CCSER1: variants seen among roughly 807,000 people sequenced by gnomAD.
The protein encoded by CCSER1 is coiled-coil serine rich protein 1, also known as serine-rich coiled-coil domain-containing protein 1.
A neutral mutation model predicts 82.0 loss-of-function variants in CCSER1; 41 were observed. The ratio of observed to expected loss-of-function variants is 0.50; its 90% CI spans 0.39 to 0.65. CCSER1 has a LOEUF of 0.65. Among genes scored for constraint, CCSER1 ranks in the 30% least tolerant of loss-of-function variants. The probability of loss-of-function intolerance (pLI) is 0.00; values close to 1 mark genes in which losing one functional copy is unlikely to be tolerated. For missense variants in CCSER1, 1,119 were observed against 1,064.2 expected, an observed-to-expected ratio of 1.05 and a Z score of -0.72; for synonymous variants, 414 against 383.9, an observed-to-expected ratio of 1.08 and a Z score of -0.92.
chr4:91,146,661 GTA>G (rs1729572186), intron 10 of CCSER1, among the ~76,000 whole-genome samples: 2 of 151,630 alleles, frequency 1.3e-5, no homozygotes, highest in African/African-American at 4.8e-5. Flanking sequence ...TCATTGTGGT[GTA>G]TGTTGTTTAT....
intron 10 of CCSER1, among the ~76,000 whole-genome samples, chr4:91,567,646 T>G (rs947168925): frequency 1.3e-5 from 2 of 152,154 alleles, no homozygotes; most frequent in South Asian, 4.1e-4. Context: ...CTTTGGGTTT[T>G]TTGATCTTCG....
chr4:90,993,599 A>G (rs1258210052), intron 9 of CCSER1, among the ~76,000 whole-genome samples: 1 of 152,128 alleles, frequency 6.6e-6, no homozygotes, highest in Admixed American at 6.6e-5. Flanking sequence ...TTTAATTCTC[A>G]TGGTTCTGGA....
At chr4:90,898,658 T>C (rs1363633480) in intron 8 of CCSER1, among the ~76,000 whole-genome samples, 12 of 152,126 alleles carry the variant, frequency 7.9e-5, no homozygotes, top group Middle Eastern at 6.8e-3. Flanking sequence ...TTAATTCTTC[T>C]GTATATAGCT....
chr4:91,280,502 A>T (rs183494245), intron 10 of CCSER1, among the ~76,000 whole-genome samples: 171 of 152,190 alleles, frequency 1.1e-3, no homozygotes, highest in South Asian at 1.9e-3. Flanking sequence ...AGGCCTCTGG[A>T]ATAAGTACAC....
chr4:91,204,959 A>G (rs1234301754), intron 10 of CCSER1, among the ~76,000 whole-genome samples: 1 of 151,740 alleles, frequency 6.6e-6, no homozygotes, highest in Non-Finnish European at 1.5e-5. Flanking sequence ...AAAGTTATAT[A>G]TGGATGTAAC....
intron 5 of CCSER1, among the ~76,000 whole-genome samples, chr4:90,580,879 T>C (rs1781348835): frequency 6.6e-6 from 1 of 152,240 alleles, no homozygotes; most frequent in South Asian, 2.1e-4. Flanking sequence ...AGAGTTAAGA[T>C]TTAAAACAGG....
chr4:91,169,824 G>A (rs1339654233), intron 10 of CCSER1, among the ~76,000 whole-genome samples: 1 of 151,880 alleles, frequency 6.6e-6, no homozygotes, highest in Non-Finnish European at 1.5e-5. Flanking sequence ...TGGTCCTGTG[G>A]CAGAAACTGC....
chr4:91,227,028 A>G (rs1340767476), intron 10 of CCSER1, among the ~76,000 whole-genome samples: 3 of 151,906 alleles, frequency 2.0e-5, no homozygotes, highest in African/African-American at 7.2e-5. Flanking sequence ...ACATAACTGC[A>G]CACTCAAAAG....
chr4:91,433,369 A>T (rs1754444222), intron 10 of CCSER1, among the ~76,000 whole-genome samples: 3 of 152,172 alleles, frequency 2.0e-5, no homozygotes, highest in Admixed American at 2.0e-4. Flanking sequence ...GCCTAAGCGT[A>T]CAGTGTTTAT....
chr4:90,353,552 G>A (rs554449170), intron 3 of CCSER1, among the ~76,000 whole-genome samples: 3 of 152,248 alleles, frequency 2.0e-5, no homozygotes, highest in Non-Finnish European at 4.4e-5. Flanking sequence ...AAATTGGTTT[G>A]AGATCACAGA....
At position 91,298,224 on chromosome 4, in the gene CCSER1, G is replaced by A. The variant is rs569245109; in HGVS notation, c.2217+212230G>A. 1.5e-4 allele frequency among the ~76,000 whole-genome samples: 23 copies of A among 152,144 alleles called. No homozygotes were observed. The East Asian group carries it at 4.5e-3, about 30-fold the overall frequency. ...CAAGTATTAGATACTACTTAAATTG[G>A]AAATTACAAAATTGTTGGAAGTGCT... On this transcript the variant is annotated intron_variant, in intron 10 of 10. Coordinates refer to ENST00000509176, the MANE Select transcript of CCSER1 (RefSeq NM_001145065.2).
At chr4:90,419,222 A>C (rs1756303372) in intron 4 of CCSER1, among the ~76,000 whole-genome samples, 1 of 151,984 alleles carries the variant, frequency 6.6e-6, no homozygotes, top group African/African-American at 2.4e-5. Context: ...TGTGTGTTTC[A>C]TCAGCAGATC....
intron 3 of CCSER1, among the ~76,000 whole-genome samples, chr4:90,374,871 C>A (rs1054527048): frequency 2.6e-5 from 4 of 152,122 alleles, no homozygotes; most frequent in African/African-American, 4.8e-5. Context: ...ACCAAAAAAA[C>A]CCCAATAATT....
At chr4:90,615,455 G>T (rs1185656793) in intron 5 of CCSER1, among the ~76,000 whole-genome samples, 1 of 152,124 alleles carries the variant, frequency 6.6e-6, no homozygotes, top group Non-Finnish European at 1.5e-5. Flanking sequence ...TTCATGGGAG[G>T]AGGACAAAAT....
chr4:90,264,470 A>G (rs956763214), intron 1 of CCSER1, among the ~76,000 whole-genome samples: 2 of 152,154 alleles, frequency 1.3e-5, no homozygotes, highest in African/African-American at 2.4e-5. Context: ...ATTACAGAAT[A>G]TTTTCATATT....
intron 10 of CCSER1, among the ~76,000 whole-genome samples, chr4:91,243,719 A>G (rs1581831810): frequency 6.6e-6 from 1 of 152,146 alleles, no homozygotes; most frequent in East Asian, 1.9e-4. Flanking sequence ...AGGATTCATC[A>G]TATACTGACT....
chr4:90,668,981 T>TAAGA (rs1271817855), intron 6 of CCSER1, among the ~76,000 whole-genome samples: 1 of 151,990 alleles, frequency 6.6e-6, no homozygotes, highest in Non-Finnish European at 1.5e-5. Flanking sequence ...ATAAGGGCCA[T>TAAGA]AAGAGAAATG....
At chr4:91,030,372 A>C (rs1327456881) in intron 9 of CCSER1, among the ~76,000 whole-genome samples, 1 of 152,164 alleles carries the variant, frequency 6.6e-6, no homozygotes, top group Non-Finnish European at 1.5e-5. Context: ...GCTATTGAGC[A>C]CTTGAAATGT....
chr4:91,275,212 CT>C (rs1742328863), intron 10 of CCSER1, among the ~76,000 whole-genome samples: 1 of 152,090 alleles, frequency 6.6e-6, no homozygotes, highest in African/African-American at 2.4e-5. Flanking sequence ...AATATTCATA[CT>C]GTTTTCCATA....
Sources: allele counts gnomAD v4.1 joint callset (sites outside exome capture counted in the v4.1 genomes callset), GRCh38; gene constraint gnomAD v4.1.1; transcripts MANE v1.5; gene names NCBI Gene and HGNC (gene_info 2026-07-23, HGNC 2026-07-21).